AZIN2: variants seen among roughly 807,000 people sequenced by gnomAD.
The protein encoded by AZIN2 is ODC antizyme inhibitor-2.
AZIN2 carries 28 observed loss-of-function variants against 47.8 expected under a neutral mutation model. The observed-to-expected ratio is 0.59, with a 90% confidence interval of 0.43 to 0.80. AZIN2 has a LOEUF of 0.80. AZIN2 is among the 30% of genes least tolerant of loss of function. The pLI is 0.00. For missense variants in AZIN2, 535 were observed against 582.5 expected, an observed-to-expected ratio of 0.92 and a Z score of 0.84; for synonymous variants, 221 against 239.4, an observed-to-expected ratio of 0.92 and a Z score of 0.71.
Position 33,094,623 on chromosome 1 carries a change from A to C in AZIN2, c.663A>C (p.Glu221Asp), listed in dbSNP as rs893916880. ...TCGCAGACGCCCGGCTCGTGTTTGA[A>C]ATGGGCACCGAGCTGGGTCACAAGA... ...QSIADARLVF[E>D]MGTELGHKMH... The change falls in exon 8 of 12, where the codon GAA (glutamate) becomes GAC (aspartate). Residue 221 changes from glutamate to aspartate, a missense_variant. Physicochemically the swap from Glu to Asp is conservative, Grantham distance 45 (BLOSUM62 2). Around this residue, in one of 3 missense-constraint regions of AZIN2, gnomAD observed 409 missense variants for 429.0 expected, o/e 0.95. Coordinates refer to ENST00000294517, the MANE Select transcript of AZIN2 (RefSeq NM_052998.4). The C allele has an allele frequency of 2.5e-6, 4 of 1,614,084 alleles. No homozygotes were observed. The African/African-American group carries it at 4.0e-5, about 16-fold the overall frequency.
At chr1:33,109,954 C>A (rs1338708016) in intron 10 of AZIN2, among the ~76,000 whole-genome samples, 2 of 152,154 alleles carry the variant, frequency 1.3e-5, no homozygotes, top group Non-Finnish European at 2.9e-5. Flanking sequence ...ATCATGGTAG[C>A]ATTGACCTTC....
chr1:33,133,279 A>G, the AZIN2 span, among the ~76,000 whole-genome samples: 2 of 152,240 alleles, frequency 1.3e-5, no homozygotes, highest in African/African-American at 2.4e-5. Flanking sequence ...CCAGCTAAGC[A>G]CATTGTCCCT....
chr1:33,096,681 T>C (rs1643190183), intron 8 of AZIN2, 26 bp from the exon 9 acceptor site: 1 of 1,612,878 alleles, frequency 6.2e-7, no homozygotes. Flanking sequence ...AAACACATAA[T>C]TGTCTCCCCA....
chr1:33,153,534 C>T, the AZIN2 span, among the ~76,000 whole-genome samples: 1 of 152,190 alleles, frequency 6.6e-6, no homozygotes, highest in Non-Finnish European at 1.5e-5. Context: ...AAACATCCTG[C>T]AGAGCACAGA....
rs775111934 is a variant in AZIN2 at position 33,094,610 on chromosome 1, G to A, written c.650G>A (p.Arg217Gln). 1.5e-5 allele frequency: 25 copies of A among 1,613,996 alleles called. No homozygotes were observed. Among genetic ancestry groups the A allele is most frequent in the African/African-American group, 8.0e-5 (6 of 74,904 alleles). Residue 217 changes from arginine to glutamine, a missense_variant, in exon 8 of 12, where the codon CGG becomes CAG. Transcript: ENST00000294517. ...TATGCTCAGTCCATCGCAGACGCCCGGCTCGTGTTTGAAATGGGCACCGAG... is the reference window on the plus strand; with the variant it reads ...TATGCTCAGTCCATCGCAGACGCCCAGCTCGTGTTTGAAATGGGCACCGAG... ...QAYAQSIADA[R>Q]LVFEMGTELG...
At chr1:33,143,771 C>A in the AZIN2 span, among the ~76,000 whole-genome samples, 1 of 152,216 alleles carries the variant, frequency 6.6e-6, no homozygotes, top group East Asian at 1.9e-4. Context: ...CCTGGGCTCC[C>A]AGGGGTGCTG....
At chr1:33,153,324 G>A in the AZIN2 span, among the ~76,000 whole-genome samples, 1 of 152,238 alleles carries the variant, frequency 6.6e-6, no homozygotes, top group Non-Finnish European at 1.5e-5. Context: ...CTCTGCTCTG[G>A]GCAGGATGTT....
chr1:33,093,616 G>A (rs1268424486), intron 7 of AZIN2, among the ~76,000 whole-genome samples, 200 bp downstream of exon 7: 1 of 152,120 alleles, frequency 6.6e-6, no homozygotes, highest in East Asian at 1.9e-4. Flanking sequence ...GTCCCCAGAA[G>A]GTCTTGTCCC....
chr1:33,141,959 C>G, the AZIN2 span: 1 of 153,008 alleles, frequency 6.5e-6, no homozygotes, highest in Non-Finnish European at 1.5e-5. Context: ...TCCCCCCTCC[C>G]CTCTCCTACT....
intron 10 of AZIN2, among the ~76,000 whole-genome samples, chr1:33,108,193 T>C (rs982310989): frequency 1.9e-4 from 29 of 152,266 alleles, no homozygotes; most frequent in African/African-American, 7.0e-4. Flanking sequence ...GGTCAATTGA[T>C]CTTCAACAAA....
intron 10 of AZIN2, among the ~76,000 whole-genome samples, chr1:33,114,952 A>T (rs1644472073): frequency 6.6e-6 from 1 of 152,076 alleles, no homozygotes; most frequent in South Asian, 2.1e-4. Flanking sequence ...CTATTGATTT[A>T]TTCTTTAAAA....
the AZIN2 span, among the ~76,000 whole-genome samples, chr1:33,149,114 T>C: frequency 6.6e-6 from 1 of 152,182 alleles, no homozygotes; most frequent in Non-Finnish European, 1.5e-5. Context: ...CCAGCAGATG[T>C]GCTCGTTCTG....
the AZIN2 span, chr1:33,159,676 G>C: frequency 3.1e-6 from 5 of 1,600,492 alleles, no homozygotes; most frequent in East Asian, 2.2e-5. This position sits in a 1 kb window ranked among gnomAD's most constrained non-coding sequence, Gnocchi z 4.2. Flanking sequence ...GGCCCCGGCG[G>C]GTGGCACTTA....
chr1:33,115,407 T>TA (rs1167438601), intron 10 of AZIN2, among the ~76,000 whole-genome samples: 9,619 of 145,100 alleles, frequency 0.066, 430 homozygotes, highest in African/African-American at 0.13. Context: ...ACAGATTCCT[T>TA]AAAAAAAAAA....
At chr1:33,152,842 C>T in the AZIN2 span, among the ~76,000 whole-genome samples, 2 of 152,110 alleles carry the variant, frequency 1.3e-5, no homozygotes, top group Non-Finnish European at 2.9e-5. Context: ...TTCAGATTAG[C>T]AGGGGGCGGG....
At position 33,113,209 on chromosome 1, in the gene AZIN2, C is replaced by CT. The variant is rs1178748464; in HGVS notation, c.1030-4692dup. Among the ~76,000 whole-genome samples, 2 of 152,354 alleles carry CT rather than the reference C, an allele frequency of 1.3e-5. No homozygotes were observed. Among genetic ancestry groups the CT allele is most frequent in the South Asian group, 2.1e-4 (1 of 4,826 alleles). Reference sequence around the variant, plus strand: ...GGTCTCGACCTCCTGACCTCATGATCTGCCTACCTCTGCCTCCCAAAGTGT... The same window carrying CT: ...GGTCTCGACCTCCTGACCTCATGATCTTGCCTACCTCTGCCTCCCAAAGTGT... On this transcript the variant is annotated intron_variant, in intron 10 of 11. Coordinates refer to ENST00000294517, the MANE Select transcript of AZIN2 (RefSeq NM_052998.4). This position sits in a 1 kb window ranked among gnomAD's most constrained non-coding sequence, Gnocchi z 4.1.
chr1:33,133,469 A>T, the AZIN2 span, among the ~76,000 whole-genome samples: 1 of 152,160 alleles, frequency 6.6e-6, no homozygotes, highest in African/African-American at 2.4e-5. Flanking sequence ...TGGGCCCCTC[A>T]TGGGGATGGT....
At chr1:33,118,948 T>A (rs1031020229) in intron 11 of AZIN2, 1 of 152,138 alleles carries the variant, frequency 6.6e-6, no homozygotes, top group Admixed American at 6.6e-5. Flanking sequence ...CACAGAGAGG[T>A]CATTCTTCTG....
the AZIN2 span, among the ~76,000 whole-genome samples, chr1:33,137,608 G>T: frequency 1.3e-5 from 2 of 152,140 alleles, no homozygotes; most frequent in Non-Finnish European, 2.9e-5. Flanking sequence ...CCCAGAGGGG[G>T]GATCTTGCCC....
Sources: allele counts gnomAD v4.1 joint callset (sites outside exome capture counted in the v4.1 genomes callset), GRCh38; gene constraint gnomAD v4.1.1; regional missense constraint gnomAD v4.1.1; non-coding constraint Gnocchi (gnomAD v3.1); transcripts MANE v1.5; gene names NCBI Gene and HGNC (gene_info 2026-07-23, HGNC 2026-07-21).